Variants in C10orf90 observed in about 807,000 individuals in gnomAD.
The protein encoded by C10orf90 is chromosome 10 open reading frame 90.
C10orf90 carries 56 observed loss-of-function variants against 62.5 expected under a neutral mutation model. The ratio of observed to expected loss-of-function variants is 0.90; its 90% CI spans 0.72 to 1.12. The LOEUF is 1.12. Ranked by LOEUF, C10orf90 falls within the 50% of genes most tolerant of loss-of-function variation. C10orf90 has a pLI of 0.00. For synonymous variants in C10orf90, 386 were observed against 340.4 expected (o/e 1.13, Z -1.47); for missense variants, 970 against 880.4 (o/e 1.10, Z -1.29).
At chr10:126,575,958 C>T (rs1844602736) in intron 2 of C10orf90, among the ~76,000 whole-genome samples, 1 of 151,988 alleles carries the variant, frequency 6.6e-6, no homozygotes. Flanking sequence ...AGACCCCAAA[C>T]AATAAAACTA....
intron 2 of C10orf90, among the ~76,000 whole-genome samples, chr10:126,573,355 G>A (rs1012935268): frequency 6.6e-6 from 1 of 152,194 alleles, no homozygotes; most frequent in Non-Finnish European, 1.5e-5. Flanking sequence ...ATCTTTAACT[G>A]CTAGGCCCAA....
intron 4 of C10orf90, among the ~76,000 whole-genome samples, chr10:126,474,832 C>T (rs1455479762): frequency 6.6e-6 from 1 of 152,230 alleles, no homozygotes; most frequent in Non-Finnish European, 1.5e-5. Context: ...GAGGATTCCA[C>T]TCTGATGGGG....
chr10:126,456,663 A>T lies in C10orf90; in HGVS notation c.2188+2377T>A, dbSNP rs371882041. 1.3e-5 allele frequency among the ~76,000 whole-genome samples: 2 copies of T among 152,196 alleles called. No homozygotes were observed. The highest frequency in any genetic ancestry group is 4.8e-5 in the African/African-American group (2 of 41,458). ...AATAGGGTCTTTGCAGAGGTAATCA[A>T]GTTAAAATGAGGTCAGACTGGTGAG... On this transcript the variant is annotated intron_variant, in intron 7 of 9. Coordinates refer to ENST00000488181, the MANE Select transcript of C10orf90 (RefSeq NM_001350921.2). This position sits in a 1 kb window ranked among gnomAD's most constrained non-coding sequence, Gnocchi z 4.9.
At chr10:126,645,112 G>A (rs1846140585) in intron 2 of C10orf90, among the ~76,000 whole-genome samples, 1 of 151,656 alleles carries the variant, frequency 6.6e-6, no homozygotes, top group Non-Finnish European at 1.5e-5. Context: ...GGACTGTTGT[G>A]GGGTGGGAGG....
intron 2 of C10orf90, among the ~76,000 whole-genome samples, chr10:126,586,086 T>A (rs1844864836): frequency 6.6e-6 from 1 of 152,186 alleles, no homozygotes; most frequent in Non-Finnish European, 1.5e-5. Flanking sequence ...AATACAAAAT[T>A]TAAGTTGTTA....
Position 126,464,918 on chromosome 10 carries a change from G to A in C10orf90, c.1603C>T (p.Pro535Ser). ...QGEVCMTVSAPPVEQKPTRHF... is the reference protein window; with the variant it reads ...QGEVCMTVSASPVEQKPTRHF... ...CTAGTGGGCTTCTGTTCCACTGGAGGAGCAGACACAGTCATACATACTTCT... is the reference window on the plus strand; with the variant it reads ...CTAGTGGGCTTCTGTTCCACTGGAGAAGCAGACACAGTCATACATACTTCT... Residue 535 changes from proline (P) to serine (S), a missense_variant, in exon 5 of 10, where the codon CCT becomes TCT. Pro to Ser is a moderately conservative substitution (Grantham distance 74). Transcript: ENST00000488181. The A allele has an allele frequency of 6.2e-7, 1 of 1,613,454 alleles. No homozygotes were observed. The highest frequency in any genetic ancestry group is 8.5e-7 in the Non-Finnish European group (1 of 1,179,414).
intron 2 of C10orf90, among the ~76,000 whole-genome samples, chr10:126,593,720 A>G (rs1378652370): frequency 6.6e-6 from 1 of 152,194 alleles, no homozygotes; most frequent in African/African-American, 2.4e-5. Context: ...TGAGGAAAAG[A>G]AAAAGAAAAT....
At chr10:126,445,522 T>A (rs1195025329) in intron 7 of C10orf90, among the ~76,000 whole-genome samples, 1 of 152,086 alleles carries the variant, frequency 6.6e-6, no homozygotes, top group Non-Finnish European at 1.5e-5. Flanking sequence ...CAGTAGATGT[T>A]GGCGTGGATG....
chr10:126,490,029 ATATATAATATATAT>A (rs1861657744), intron 4 of C10orf90, among the ~76,000 whole-genome samples: 2 of 102,628 alleles, frequency 1.9e-5, no homozygotes, highest in African/African-American at 1.0e-4. Context: ...ATAATATATA[ATATATAATATATAT>A]TATATATTAT....
chr10:126,545,327 C>G (rs1292633439), intron 2 of C10orf90, among the ~76,000 whole-genome samples: 1 of 152,196 alleles, frequency 6.6e-6, no homozygotes, highest in Non-Finnish European at 1.5e-5. Flanking sequence ...TATCCTAACC[C>G]TTCTTGGTCA....
rs1861445929 is a variant in C10orf90, at chr10:126,486,556, TA to T, written c.1534+17400del. Among the ~76,000 whole-genome samples the T allele has an allele frequency of 2.6e-5, 4 of 152,058 alleles. No homozygotes were observed. The South Asian group carries it at 8.3e-4, about 32-fold the overall frequency. On this transcript the variant is annotated intron_variant, in intron 4 of 9. Coordinates refer to ENST00000488181, the MANE Select transcript of C10orf90 (RefSeq NM_001350921.2). ...ATGTCCTGTATTTTCATCTTAGAAATAAAAAATACTGGATATAAACTAATAT... is the reference window on the plus strand; with the variant it reads ...ATGTCCTGTATTTTCATCTTAGAAATAAAAATACTGGATATAAACTAATAT...
intron 1 of C10orf90, among the ~76,000 whole-genome samples, chr10:126,649,056 CTCTCTCTCTCTCTCT>C (rs1846232773): frequency 3.2e-4 from 18 of 56,716 alleles, no homozygotes; most frequent in African/African-American, 1.1e-3. Context: ...CTCTCTCTCT[CTCTCTCTCTCTCTCT>C]CCCCCCCCCC....
At chr10:126,490,298 C>G (rs1054661275) in intron 4 of C10orf90, among the ~76,000 whole-genome samples, 1 of 151,274 alleles carries the variant, frequency 6.6e-6, no homozygotes, top group Non-Finnish European at 1.5e-5. Flanking sequence ...TACGATTTCA[C>G]TTATATGACA....
Position 126,453,617 on chromosome 10 carries a change from G to A in C10orf90, c.2188+5423C>T, listed in dbSNP as rs143798341. On this transcript the variant is annotated intron_variant, in intron 7 of 9. Transcript: ENST00000488181. This position sits in a 1 kb window ranked among gnomAD's most constrained non-coding sequence, Gnocchi z 4.9. ...TGAGCTGAGAACAGAAGGGGGCAAC[G>A]TGGGCTGAGTTTGAGCACTGTCAGG... is the stretch of plus-strand genomic sequence containing the variant. Among the ~76,000 whole-genome samples the A allele has an allele frequency of 2.9e-3, 449 of 152,304 alleles. No homozygotes were observed. Among genetic ancestry groups the A allele is most frequent in the Non-Finnish European group, 5.4e-3 (370 of 68,030 alleles).
intron 2 of C10orf90, among the ~76,000 whole-genome samples, chr10:126,541,487 C>G (rs1210181104): frequency 2.0e-5 from 3 of 152,132 alleles, no homozygotes. Flanking sequence ...ATCAAGGACT[C>G]TTATAACTCA....
In C10orf90 at chr10:126,483,768, C is replaced by T. The variant is rs1861283249; in HGVS notation, c.1535-18782G>A. Among the ~76,000 whole-genome samples the T allele has an allele frequency of 2.0e-5, 3 of 152,210 alleles. No individual in the cohort carries two copies. In the South Asian group the frequency reaches 6.2e-4, roughly 31 times the overall value. On this transcript the variant is annotated intron_variant, in intron 4 of 9. Coordinates refer to ENST00000488181, the MANE Select transcript of C10orf90 (RefSeq NM_001350921.2). ...GAGGCCCCAGAGTGAGGCCTGAAAT[C>T]TTTGGTGTGGATAGCCTCACATGCT... is the stretch of plus-strand genomic sequence containing the variant.
intron 2 of C10orf90, among the ~76,000 whole-genome samples, chr10:126,549,338 G>T (rs1864575150): frequency 6.6e-6 from 1 of 152,104 alleles, no homozygotes; most frequent in South Asian, 2.1e-4. Flanking sequence ...AGCCCAATTA[G>T]AAAATGGACA....
chr10:126,450,966 A>G (rs1859141753), intron 7 of C10orf90, among the ~76,000 whole-genome samples: 1 of 152,220 alleles, frequency 6.6e-6, no homozygotes, highest in South Asian at 2.1e-4. Flanking sequence ...AATATCCAAA[A>G]TATATAAGGA....
At chr10:126,433,677 T>C (rs1857728737) in intron 7 of C10orf90, among the ~76,000 whole-genome samples, 2 of 152,100 alleles carry the variant, frequency 1.3e-5, no homozygotes, top group Admixed American at 6.5e-5. Flanking sequence ...TTTCACTTCA[T>C]GGAATGCAAA....
Sources: allele counts gnomAD v4.1 joint callset (sites outside exome capture counted in the v4.1 genomes callset), GRCh38; gene constraint gnomAD v4.1.1; non-coding constraint Gnocchi (gnomAD v3.1); transcripts MANE v1.5; gene names NCBI Gene and HGNC (gene_info 2026-07-23, HGNC 2026-07-21).